Variants in ZNF462 observed in about 807,000 individuals in gnomAD.
ZNF462 encodes the protein zinc finger protein 462.
ZNF462 carries 10 observed loss-of-function variants against 201.9 expected under a neutral mutation model. The observed-to-expected ratio is 0.05, with a 90% CI of 0.03 to 0.08. ZNF462 has a LOEUF of 0.08. Ranked by LOEUF, ZNF462 falls within the 10% of genes least tolerant of loss-of-function variation. The pLI is 1.00. For synonymous variants in ZNF462, 1,227 were observed against 1,193.3 expected (o/e 1.03, Z -0.58); for missense variants, 2,523 against 3,168.3 (o/e 0.80, Z 4.89).
intron 11 of ZNF462, among the ~76,000 whole-genome samples, chr9:107,007,702 C>T (rs993636426): frequency 7.9e-5 from 12 of 152,180 alleles, no homozygotes; most frequent in Admixed American, 5.2e-4. Context: ...ACAATAGCCT[C>T]GGGTGTTTCT....
At chr9:106,869,800 T>A (rs1180196172) in intron 1 of ZNF462, among the ~76,000 whole-genome samples, 1 of 152,158 alleles carries the variant, frequency 6.6e-6, no homozygotes, top group African/African-American at 2.4e-5. Context: ...AGAAGATAAT[T>A]GTAAGTTGAA....
chr9:106,979,925 C>T (rs1376751939), intron 9 of ZNF462, among the ~76,000 whole-genome samples: 1 of 152,168 alleles, frequency 6.6e-6, no homozygotes, highest in Non-Finnish European at 1.5e-5. Flanking sequence ...TTTCCCAATA[C>T]ATAGACAAAT....
rs1191894720 is a variant in ZNF462 at position 106,968,529 on chromosome 9, A to G, written c.6428-3476A>G. Among the ~76,000 whole-genome samples, 1 of 151,428 alleles carries G rather than the reference A, an allele frequency of 6.6e-6. No individual in the cohort carries two copies. The highest frequency in any genetic ancestry group is 1.9e-4 in the East Asian group (1 of 5,198). ...GAATAAAACTCTTTTCTCAGACTGTATGTGTCAGGGTTGGTTGGTTGGTTG... is the reference window on the plus strand; with the variant it reads ...GAATAAAACTCTTTTCTCAGACTGTGTGTGTCAGGGTTGGTTGGTTGGTTG... On this transcript the variant is annotated intron_variant, in intron 7 of 12. Transcript: ENST00000277225. This position sits in a 1 kb window ranked among gnomAD's most constrained non-coding sequence, Gnocchi z 4.0.
intron 1 of ZNF462, among the ~76,000 whole-genome samples, chr9:106,864,214 G>C (rs575662541): frequency 9.2e-5 from 14 of 151,620 alleles, no homozygotes; most frequent in Non-Finnish European, 2.1e-4. Context: ...GGAGCGGGGG[G>C]CACCGGCCGG....
chr9:106,906,491 T>C (rs1482223945), intron 1 of ZNF462, among the ~76,000 whole-genome samples: 1 of 152,212 alleles, frequency 6.6e-6, no homozygotes, highest in African/African-American at 2.4e-5. Flanking sequence ...TATAAAGATA[T>C]AATCACCAAA....
Position 106,924,673 on chromosome 9 carries a change from G to A in ZNF462, c.761G>A (p.Arg254His), listed in dbSNP as rs1830117344. Reference protein sequence around the residue: ...CCEWCSYQTPRRERWCDHMMK... With the variant: ...CCEWCSYQTPHRERWCDHMMK... ...GAGTGGTGCAGCTACCAGACCCCCC[G>A]CCGAGAACGCTGGTGTGACCACATG... Residue 254 changes from arginine to histidine, a missense_variant, in exon 3 of 13, where the codon CGC becomes CAC. Arg to His is a conservative substitution (Grantham distance 29). Coordinates refer to ENST00000277225, the MANE Select transcript of ZNF462 (RefSeq NM_021224.6). The surrounding 1 kb of genome is among the most constrained non-coding windows in gnomAD (Gnocchi z 6.2). 8 of 1,613,976 alleles carry A rather than the reference G, an allele frequency of 5.0e-6. No individual in the cohort carries two copies. Among genetic ancestry groups the A allele is most frequent in the Admixed American group, 1.7e-5 (1 of 59,988 alleles).
At chr9:106,967,854 T>G (rs1403150859) in intron 7 of ZNF462, among the ~76,000 whole-genome samples, 1 of 152,192 alleles carries the variant, frequency 6.6e-6, no homozygotes, top group Non-Finnish European at 1.5e-5. Context: ...ATTTTGAAAT[T>G]TCAGATATTC....
intron 1 of ZNF462, among the ~76,000 whole-genome samples, chr9:106,899,951 T>C (rs1402111494): frequency 1.3e-5 from 2 of 152,084 alleles, no homozygotes; most frequent in Non-Finnish European, 2.9e-5. Context: ...ATCACCCACA[T>C]ATACACTGCA....
rs2132758894 is a variant in ZNF462 at position 107,008,613 on chromosome 9, GGT to G, written c.7190-931_7190-930del. ...CCTACATGAAGACTTGGCCCTCTGTGGTATAATGAAACACATATGGGCTAGGA... is the reference window on the plus strand; with the variant it reads ...CCTACATGAAGACTTGGCCCTCTGTGATAATGAAACACATATGGGCTAGGA... On this transcript the variant is annotated intron_variant, in intron 11 of 12. Coordinates refer to ENST00000277225, the MANE Select transcript of ZNF462 (RefSeq NM_021224.6). The surrounding 1 kb of genome is among the most constrained non-coding windows in gnomAD (Gnocchi z 4.8). Among the ~76,000 whole-genome samples the G allele has an allele frequency of 1.3e-5, 2 of 152,208 alleles. No individual in the cohort carries two copies. Among genetic ancestry groups the G allele is most frequent in the South Asian group, 4.2e-4 (2 of 4,814 alleles).
Position 107,008,500 on chromosome 9 carries a change from CAG to C in ZNF462, c.7190-1042_7190-1041del, listed in dbSNP as rs1344106258. Among the ~76,000 whole-genome samples, 3 of 152,112 alleles carry C rather than the reference CAG, an allele frequency of 2.0e-5. No homozygotes were observed. Among genetic ancestry groups the C allele is most frequent in the African/African-American group, 7.2e-5 (3 of 41,404 alleles). ...TCTTGTATGTGTGGACCAGAGTGATCAGAGTGTAAAGATGATCAACACTTCCC... is the reference window on the plus strand; with the variant it reads ...TCTTGTATGTGTGGACCAGAGTGATCAGTGTAAAGATGATCAACACTTCCC... On this transcript the variant is annotated intron_variant, in intron 11 of 12. Coordinates refer to ENST00000277225, the MANE Select transcript of ZNF462 (RefSeq NM_021224.6). This position sits in a 1 kb window ranked among gnomAD's most constrained non-coding sequence, Gnocchi z 4.8.
chr9:106,960,989 A>T (rs531253954), intron 7 of ZNF462, among the ~76,000 whole-genome samples: 1 of 152,118 alleles, frequency 6.6e-6, no homozygotes, highest in African/African-American at 2.4e-5. Flanking sequence ...TAGGTAAAAC[A>T]GTGTATACAG....
chr9:106,864,120 G>A (rs1391733334), intron 1 of ZNF462, among the ~76,000 whole-genome samples: 1 of 114,126 alleles, frequency 8.8e-6, no homozygotes, highest in African/African-American at 3.2e-5. Flanking sequence ...CCCTCTCCCC[G>A]AAGTTGGGAT....
intron 1 of ZNF462, among the ~76,000 whole-genome samples, chr9:106,903,867 A>G (rs937394926): frequency 1.3e-5 from 2 of 152,150 alleles, no homozygotes; most frequent in Non-Finnish European, 1.5e-5. Context: ...GACTTCTTAT[A>G]TATTCTGTGG....
chr9:106,960,038 A>G (rs1416950168), intron 7 of ZNF462, among the ~76,000 whole-genome samples: 5 of 152,224 alleles, frequency 3.3e-5, no homozygotes, highest in Non-Finnish European at 4.4e-5. Context: ...GGGTTAAGAA[A>G]CCCACTGGGT....
chr9:106,995,700 T>C (rs1483252463), intron 10 of ZNF462: 1 of 152,166 alleles, frequency 6.6e-6, no homozygotes, highest in Admixed American at 6.5e-5. Flanking sequence ...CTGGGGGCAT[T>C]TTTAGCACTT....
chr9:106,916,842 C>T (rs957618478), intron 1 of ZNF462, among the ~76,000 whole-genome samples: 2 of 152,170 alleles, frequency 1.3e-5, no homozygotes, highest in Admixed American at 1.3e-4. Context: ...AACCACATCT[C>T]AAGAAAATTG....
intron 7 of ZNF462, among the ~76,000 whole-genome samples, chr9:106,967,495 G>A (rs1177137722): frequency 1.3e-5 from 2 of 151,576 alleles, no homozygotes; most frequent in African/African-American, 4.9e-5. Context: ...ATTCTAGAGA[G>A]CTGGAATTAG....
At chr9:106,906,850 A>G (rs953925807) in intron 1 of ZNF462, among the ~76,000 whole-genome samples, 3 of 152,136 alleles carry the variant, frequency 2.0e-5, no homozygotes, top group African/African-American at 4.8e-5. Flanking sequence ...AATTTTGAAA[A>G]CTTTATCTCC....
At chr9:106,989,331 G>A (rs577831817) in intron 10 of ZNF462, among the ~76,000 whole-genome samples, 4 of 152,238 alleles carry the variant, frequency 2.6e-5, no homozygotes, top group Admixed American at 2.0e-4. Context: ...TTTATGTGGT[G>A]TATCACATTT....
Sources: gnomAD v4.1 joint callset for allele counts (sites outside exome capture counted in the v4.1 genomes callset) on GRCh38, gnomAD v4.1.1 for gene constraint, Gnocchi (gnomAD v3.1) non-coding constraint, MANE v1.5 for transcripts, NCBI Gene and HGNC (gene_info 2026-07-23, HGNC 2026-07-21) for gene names.